Variants in WDR1 observed in about 807,000 individuals in gnomAD.
The protein encoded by WDR1 is WD repeat domain 1.
Under a neutral mutation model 71.9 loss-of-function variants are expected in WDR1, and 21 were observed. The observed-to-expected ratio is 0.29, with a 90% CI of 0.21 to 0.42. The LOEUF is 0.42. Among genes scored for constraint, WDR1 ranks in the 10% least tolerant of loss-of-function variants. The pLI, the probability that WDR1 is intolerant of heterozygous loss-of-function variation, is 1.00. For missense variants in WDR1, 696 were observed against 824.5 expected, an observed-to-expected ratio of 0.84 and a Z score of 1.91; for synonymous variants, 424 against 347.4, an observed-to-expected ratio of 1.22 and a Z score of -2.45.
chr4:10,089,638 G>A (rs907457099), intron 5 of WDR1, among the ~76,000 whole-genome samples: 6 of 152,202 alleles, frequency 3.9e-5, no homozygotes, highest in South Asian at 2.1e-4. Context: ...TGCAGGCGGC[G>A]CTAACCCGGC....
chr4:10,097,660 C>A, intron 5 of WDR1, 51 bp downstream of exon 5: 1 of 1,569,122 alleles, frequency 6.4e-7, no homozygotes, highest in Admixed American at 1.7e-5. Flanking sequence ...TCAGCCTCTG[C>A]TAGCCTCATG....
At chr4:10,116,415 C>G in intron 1 of WDR1, 181 bp from the exon 2 acceptor site, 1 of 979,068 alleles carries the variant, frequency 1.0e-6, no homozygotes, top group Non-Finnish European at 1.4e-6. Flanking sequence ...CCGGGCCAGG[C>G]CCTTGGGGGC....
chr4:10,114,609 T>C (rs1713596224), intron 2 of WDR1, among the ~76,000 whole-genome samples: 1 of 152,228 alleles, frequency 6.6e-6, no homozygotes, highest in Non-Finnish European at 1.5e-5. Flanking sequence ...GACGTGTTAG[T>C]GGATTTTATT....
intron 2 of WDR1, chr4:10,106,559 T>C (rs1713029215): frequency 6.6e-6 from 1 of 151,912 alleles, no homozygotes; most frequent in Admixed American, 6.6e-5. Flanking sequence ...GTAGAAAGGG[T>C]GGGGCTCCCA....
intron 4 of WDR1, 27 bp from the exon 5 acceptor site, chr4:10,097,918 C>CA (rs748635612): frequency 0.05 from 60,329 of 1,199,746 alleles, 82 homozygotes; most frequent in Middle Eastern, 0.067. Flanking sequence ...AGGTGGAAGA[C>CA]AAAAAAAAAA....
Position 10,108,591 on chromosome 4 carries a change from G to T in WDR1, c.139-4605C>A, listed in dbSNP as rs1463319363. Among the ~76,000 whole-genome samples the T allele has an allele frequency of 2.0e-5, 3 of 152,194 alleles. No individual in the cohort carries two copies. The South Asian group carries it at 6.2e-4, about 32-fold the overall frequency. On this transcript the variant is annotated intron_variant, in intron 2 of 14. Transcript: ENST00000499869. Reference sequence around the variant, plus strand: ...TTGTAAATACTCCAAGTTCCTGCAAGCAACAGAGGCTGAAAGCTGTTACTG... The same window carrying T: ...TTGTAAATACTCCAAGTTCCTGCAATCAACAGAGGCTGAAAGCTGTTACTG...
chr4:10,107,883 G>T (rs1010353780), intron 2 of WDR1, among the ~76,000 whole-genome samples: 1 of 152,210 alleles, frequency 6.6e-6, no homozygotes, highest in Non-Finnish European at 1.5e-5. Flanking sequence ...TCAAGGCCCA[G>T]TGGTGCCCAT....
rs759901643 is a variant in WDR1, at chr4:10,097,849, G to A, written c.420C>T (p.Gly140=). The change falls in exon 5 of 15, where the codon GGC becomes GGT. Residue 140 remains glycine (G), a synonymous_variant. Transcript: ENST00000499869. ...TGACTTTGTTGTGTCCTGTAATCTC[G>A]CCCACAGAAGAGCCACTATCCCAGA... ...VFLWDSGSSV[G]EITGHNKVIN... 1.8e-5 allele frequency: 29 copies of A among 1,604,428 alleles called. No homozygotes were observed. The South Asian group carries it at 2.1e-4, about 12-fold the overall frequency.
intron 9 of WDR1, among the ~76,000 whole-genome samples, chr4:10,084,013 A>G (rs1410444613): frequency 2.0e-5 from 3 of 152,142 alleles, no homozygotes; most frequent in Non-Finnish European, 4.4e-5. Flanking sequence ...TGGTTTTCCT[A>G]TTTTTAAAAC....
intron 5 of WDR1, chr4:10,092,741 T>G (rs1161833611): frequency 7.5e-6 from 2 of 268,106 alleles, no homozygotes; most frequent in East Asian, 1.9e-4. Flanking sequence ...AATAGCCCTT[T>G]CCACACGGAG....
At chr4:10,078,497 C>A (rs1252987128) in intron 12 of WDR1, 1 of 193,496 alleles carries the variant, frequency 5.2e-6, no homozygotes. Context: ...CTTCCTTCAA[C>A]CTGTGAGCCG....
At chr4:10,095,263 T>C (rs1382639187) in intron 5 of WDR1, among the ~76,000 whole-genome samples, 1 of 152,284 alleles carries the variant, frequency 6.6e-6, no homozygotes, top group Non-Finnish European at 1.5e-5. Flanking sequence ...AGACCACTGC[T>C]ATGTGGATTT....
chr4:10,107,193 C>T (rs974429035), intron 2 of WDR1, among the ~76,000 whole-genome samples: 4 of 152,126 alleles, frequency 2.6e-5, no homozygotes, highest in African/African-American at 9.7e-5. Context: ...CACTCAGGGA[C>T]ACCCCTCCTC....
chr4:10,101,221 GGGCTCCCAGAGTGCCGGA>G (rs1486099074), intron 3 of WDR1, among the ~76,000 whole-genome samples: 3 of 152,258 alleles, frequency 2.0e-5, no homozygotes, highest in South Asian at 4.1e-4. Context: ...GTGGGAATGT[GGGCTCCCAGAGTGCCGGA>G]GGCTCCCAGG....
chr4:10,105,623 T>C (rs1365929679), intron 2 of WDR1, among the ~76,000 whole-genome samples: 1 of 152,074 alleles, frequency 6.6e-6, no homozygotes, highest in Non-Finnish European at 1.5e-5. Flanking sequence ...CATCACCAAG[T>C]GCTGGCAAGG....
chr4:10,075,528 G>A (rs1282384466), intron 14 of WDR1, 44 bp from the exon 15 acceptor site: 38 of 1,562,178 alleles, frequency 2.4e-5, no homozygotes, highest in Non-Finnish European at 3.2e-5. Flanking sequence ...AAACTTCTCT[G>A]CAACTATGTA....
At chr4:10,088,107 T>A (rs912043773) in intron 7 of WDR1, among the ~76,000 whole-genome samples, 167 bp from the exon 8 acceptor site, 1 of 152,180 alleles carries the variant, frequency 6.6e-6, no homozygotes, top group African/African-American at 2.4e-5. Context: ...GGTCTCCCGT[T>A]CCAGCCACTA....
chr4:10,092,330 C>G (rs1712045062), intron 5 of WDR1: 1 of 152,336 alleles, frequency 6.6e-6, no homozygotes, highest in Admixed American at 6.5e-5. Context: ...AGCCACTGTT[C>G]AATTCCAACC....
intron 10 of WDR1, among the ~76,000 whole-genome samples, chr4:10,081,875 TC>T (rs1372609154): frequency 7.9e-5 from 12 of 152,264 alleles, no homozygotes; most frequent in African/African-American, 2.9e-4. Flanking sequence ...TGGGTGAAAA[TC>T]ATGTTATTTT....
Sources: gnomAD v4.1 joint callset for allele counts (sites outside exome capture counted in the v4.1 genomes callset) on GRCh38, gnomAD v4.1.1 for gene constraint, MANE v1.5 for transcripts, NCBI Gene and HGNC (gene_info 2026-07-23, HGNC 2026-07-21) for gene names.